Variants in GUCA1C observed in about 807,000 individuals in gnomAD.
GUCA1C encodes the protein guanylate cyclase activator 1C, also known as guanylyl cyclase-activating protein 3.
Under a neutral mutation model 16.2 loss-of-function variants are expected in GUCA1C, and 15 were observed. The ratio of observed to expected loss-of-function variants is 0.93; its 90% CI spans 0.62 to 1.43. The LOEUF (loss-of-function observed/expected upper bound fraction) is 1.43. Ranked by LOEUF, GUCA1C falls within the 40% of genes most tolerant of loss-of-function variation. The pLI, the probability that GUCA1C is intolerant of heterozygous loss-of-function variation, is 0.00. For missense variants in GUCA1C, 275 were observed against 244.8 expected (o/e 1.12, Z -0.82); for synonymous variants, 78 against 85.4 (o/e 0.91, Z 0.48).
intron 1 of GUCA1C, among the ~76,000 whole-genome samples, chr3:108,950,402 T>C (rs956022418): frequency 9.9e-5 from 15 of 152,202 alleles, no homozygotes; most frequent in African/African-American, 2.7e-4. Context: ...TTCCTTTGGA[T>C]ATATACCCAG....
At chr3:108,909,821 A>C (rs1946430348) in intron 3 of GUCA1C, among the ~76,000 whole-genome samples, 1 of 152,152 alleles carries the variant, frequency 6.6e-6, no homozygotes, top group African/African-American at 2.4e-5. Flanking sequence ...ATAAAAAAAA[A>C]TCTCTGTTCC....
intron 3 of GUCA1C, among the ~76,000 whole-genome samples, chr3:108,913,668 T>C (rs191503433): frequency 1.3e-5 from 2 of 152,310 alleles, no homozygotes; most frequent in Admixed American, 1.3e-4. Context: ...AAAAGCAAGT[T>C]CTATCAGTTT....
intron 1 of GUCA1C, among the ~76,000 whole-genome samples, chr3:108,939,875 G>C (rs1451167708): frequency 1.3e-5 from 2 of 152,146 alleles, no homozygotes; most frequent in African/African-American, 2.4e-5. Flanking sequence ...GTTGTTCTGA[G>C]TTAGAAACAC....
intron 3 of GUCA1C, 131 bp from the exon 4 acceptor site, chr3:108,908,340 A>G: frequency 2.4e-6 from 1 of 422,516 alleles, no homozygotes; most frequent in Non-Finnish European, 4.0e-6. Context: ...AAGATCTTTG[A>G]AGATCTTCAT....
At chr3:108,915,520 G>A (rs1946499585) in intron 3 of GUCA1C, among the ~76,000 whole-genome samples, 1 of 152,110 alleles carries the variant, frequency 6.6e-6, no homozygotes, top group African/African-American at 2.4e-5. Context: ...TACCTCTGAA[G>A]AAGAAAGGTA....
intron 1 of GUCA1C, among the ~76,000 whole-genome samples, chr3:108,953,175 G>A (rs1203002463): frequency 1.3e-5 from 2 of 152,110 alleles, no homozygotes; most frequent in Non-Finnish European, 2.9e-5. Flanking sequence ...TAAAAGCAGA[G>A]TCCTGTAATT....
intron 3 of GUCA1C, among the ~76,000 whole-genome samples, chr3:108,911,630 T>C (rs1355304816): frequency 1.3e-5 from 2 of 152,210 alleles, no homozygotes; most frequent in Non-Finnish European, 2.9e-5. Context: ...TCTTTTCCTC[T>C]ACGTGGAAAC....
chr3:108,915,558 A>G (rs1055098520), intron 3 of GUCA1C, among the ~76,000 whole-genome samples: 2 of 152,198 alleles, frequency 1.3e-5, no homozygotes, highest in African/African-American at 4.8e-5. Flanking sequence ...AGGAACCCAG[A>G]TTACAGAGTA....
At chr3:108,925,792 T>C (rs1946618027) in intron 1 of GUCA1C, among the ~76,000 whole-genome samples, 1 of 152,086 alleles carries the variant, frequency 6.6e-6, no homozygotes, top group South Asian at 2.1e-4. Context: ...TGTTTATAAA[T>C]TTGGGAGCTC....
chr3:108,941,298 T>C (rs1330131709), intron 1 of GUCA1C, among the ~76,000 whole-genome samples: 1 of 152,200 alleles, frequency 6.6e-6, no homozygotes, highest in Admixed American at 6.5e-5. Flanking sequence ...AGCTGCTAAC[T>C]GAAAATAACA....
In GUCA1C at chr3:108,910,227, G is replaced by A. The variant is rs528216471; in HGVS notation, c.443-2018C>T. 9.9e-5 allele frequency among the ~76,000 whole-genome samples: 15 copies of A among 152,254 alleles called. No homozygotes were observed. In the East Asian group the frequency reaches 2.1e-3, roughly 22 times the overall value. The stretch of plus-strand genomic sequence containing the variant: ...AGAATCTACCAGCAAGGCCGTGAGC[G>A]GTGGCTCACGCCTGTAAACCCAGCA... On this transcript the variant is annotated intron_variant, in intron 3 of 3. Transcript: ENST00000261047.
chr3:108,925,723 T>TA (rs1946617144), intron 1 of GUCA1C, among the ~76,000 whole-genome samples: 1 of 152,208 alleles, frequency 6.6e-6, no homozygotes, highest in South Asian at 2.1e-4. Context: ...AGTGGAGTAT[T>TA]AAAGTCCTCC....
At chr3:108,924,414 T>TA (rs979570940) in intron 1 of GUCA1C, among the ~76,000 whole-genome samples, 2 of 151,900 alleles carry the variant, frequency 1.3e-5, no homozygotes, top group African/African-American at 4.8e-5. Flanking sequence ...GTGATTTTTT[T>TA]AAATTCTGTT....
At chr3:108,929,283 T>C (rs528676107) in intron 1 of GUCA1C, among the ~76,000 whole-genome samples, 4 of 152,326 alleles carry the variant, frequency 2.6e-5, no homozygotes, top group East Asian at 1.9e-4. Context: ...AAACTTTGTG[T>C]CTGAAACCTT....
intron 1 of GUCA1C, among the ~76,000 whole-genome samples, chr3:108,935,190 C>G (rs1338285353): frequency 6.6e-6 from 1 of 151,804 alleles, no homozygotes; most frequent in Admixed American, 6.6e-5. Context: ...CTGGGGACTA[C>G]TGGTTGGGGA....
At chr3:108,916,760 G>C (rs1321269706) in intron 2 of GUCA1C, among the ~76,000 whole-genome samples, 1 of 152,110 alleles carries the variant, frequency 6.6e-6, no homozygotes. Context: ...AGGGCCCAGG[G>C]GGCAAATGAC....
At chr3:108,940,846 A>C (rs1576555164) in intron 1 of GUCA1C, among the ~76,000 whole-genome samples, 1 of 152,340 alleles carries the variant, frequency 6.6e-6, no homozygotes, top group African/African-American at 2.4e-5. Flanking sequence ...CATGAGCTCA[A>C]CGATAATGCA....
chr3:108,915,317 T>C (rs958231052), intron 3 of GUCA1C, among the ~76,000 whole-genome samples: 9 of 152,242 alleles, frequency 5.9e-5, no homozygotes, highest in African/African-American at 2.2e-4. Context: ...ATGCCTCTTA[T>C]CCGTTTTCTT....
rs912340912 is a variant in GUCA1C at position 108,942,374 on chromosome 3, G to A, written c.204+11185C>T. Among the ~76,000 whole-genome samples, 22 of 152,094 alleles carry A rather than the reference G, an allele frequency of 1.4e-4. 1 individual carries two copies. Among genetic ancestry groups the A allele is most frequent in the Admixed American group, 1.1e-3 (17 of 15,266 alleles). The stretch of plus-strand genomic sequence containing the variant: ...TCGCTCAACCTCTGCTGCATCTTCT[G>A]ATCCCAGCAAATGAACCTTGGATCA... On this transcript the variant is annotated intron_variant, in intron 1 of 3. Coordinates refer to ENST00000261047, the MANE Select transcript of GUCA1C (RefSeq NM_005459.4).
Sources: gnomAD v4.1 joint callset for allele counts (sites outside exome capture counted in the v4.1 genomes callset) on GRCh38, gnomAD v4.1.1 for gene constraint, MANE v1.5 for transcripts, NCBI Gene and HGNC (gene_info 2026-07-23, HGNC 2026-07-21) for gene names.